The following RBBP7 variants were observed in gnomAD, a reference collection of about 807,000 sequenced individuals.
The protein encoded by RBBP7 is histone-binding protein RBBP7.
In RBBP7, 5 loss-of-function variants were observed where a neutral mutation model predicts 35.2. The observed-to-expected ratio is 0.14, with a 90% CI of 0.07 to 0.30. RBBP7 has a LOEUF of 0.30. RBBP7 is among the 10% of genes least tolerant of loss of function. The pLI is 1.00. For synonymous variants in RBBP7, 140 were observed against 118.7 expected, an observed-to-expected ratio of 1.18 and a Z score of -1.17; for missense variants, 155 against 327.5, an observed-to-expected ratio of 0.47 and a Z score of 4.07.
chrX:16,863,413 A>G (rs1930523204), intron 2 of RBBP7, among the ~76,000 whole-genome samples: 1 of 111,225 alleles, frequency 9.0e-6, no homozygotes, highest in African/African-American at 3.3e-5. Flanking sequence ...CAACTCAGTA[A>G]ACACAGACAA....
At chrX:16,869,916 C>G (rs1478290447) in intron 1 of RBBP7, 122 bp downstream of exon 1, 1 of 761,859 alleles carries the variant, frequency 1.3e-6, no homozygotes, top group African/African-American at 2.3e-5. Context: ...CGCCCAGTCT[C>G]GCGCCCGGCC....
At position 16,870,268 on chromosome X, in the gene RBBP7, T is replaced by G; in HGVS notation, c.-215A>C. On this transcript the variant is annotated 5_prime_UTR_variant, in exon 1 of 12. Transcript: ENST00000380087. ...CGGGTACCGAGGTCTGAGGCGCTCT[T>G]CTCTCTCTCTCCAAACTTGGAACGA... The G allele has an allele frequency of 2.8e-6, 1 of 359,287 alleles. No homozygotes were observed. The highest frequency in any genetic ancestry group is 3.8e-6 in the Non-Finnish European group (1 of 262,175). 29.6% of individuals were successfully genotyped at this position (359,287 alleles called of 1,213,427 possible).
intron 10 of RBBP7, chrX:16,846,862 C>G (rs1362853366): frequency 8.9e-6 from 1 of 112,207 alleles, no homozygotes; most frequent in Non-Finnish European, 1.9e-5. Context: ...CTGGGTAAAA[C>G]TCACGCCTGT....
Position 16,869,503 on chromosome X carries a change from G to C in RBBP7, c.17-283C>G, listed in dbSNP as rs1283951958. 7 of 1,167,214 alleles carry C rather than the reference G, an allele frequency of 6.0e-6. No individual in the cohort carries two copies. In the Admixed American group the frequency reaches 7.7e-5, roughly 13 times the overall value. The stretch of plus-strand genomic sequence containing the variant: ...TTACAGCTGTTCGCACCTGTTCTAA[G>C]ATGACGACCTGTACGTACAGGGGCT... On this transcript the variant is annotated intron_variant, in intron 1 of 11. Transcript: ENST00000380087.
intron 1 of RBBP7, 128 bp downstream of exon 1, chrX:16,869,910 C>T: frequency 1.3e-6 from 1 of 768,815 alleles, no homozygotes; most frequent in Non-Finnish European, 1.5e-6. Flanking sequence ...GGCGCGCGCC[C>T]AGTCTCGCGC....
At chrX:16,855,995 C>CAAAAAAAAAA (rs754398259) in intron 5 of RBBP7, among the ~76,000 whole-genome samples, 3 of 15,993 alleles carry the variant, frequency 1.9e-4, no homozygotes, top group Non-Finnish European at 2.5e-4. Context: ...GACCTTGTCT[C>CAAAAAAAAAA]AAAAAAAAAA....
chrX:16,859,394 G>T (rs1265711632), intron 3 of RBBP7, among the ~76,000 whole-genome samples: 1 of 112,020 alleles, frequency 8.9e-6, no homozygotes, highest in Non-Finnish European at 1.9e-5. Flanking sequence ...AGCATACTTG[G>T]TTTAACTGCT....
chrX:16,869,378 A>G (rs1602430417), intron 1 of RBBP7, 158 bp from the exon 2 acceptor site: 1 of 1,051,827 alleles, frequency 9.5e-7, no homozygotes, highest in East Asian at 3.2e-5. Flanking sequence ...TGGAGAAAAT[A>G]CTAACAATCA....
At chrX:16,851,342 G>C (rs1930209694) in intron 9 of RBBP7, among the ~76,000 whole-genome samples, 1 of 111,453 alleles carries the variant, frequency 9.0e-6, no homozygotes, top group Non-Finnish European at 1.9e-5. Flanking sequence ...AATACAAGCA[G>C]GAAATAAGTT....
At chrX:16,860,595 A>G (rs1236191575) in intron 3 of RBBP7, among the ~76,000 whole-genome samples, 2 of 106,625 alleles carry the variant, frequency 1.9e-5, no homozygotes, top group Non-Finnish European at 3.9e-5. Flanking sequence ...AATCGCTTGA[A>G]CCCAGGAGGC....
chrX:16,866,437 A>C (rs762531267), intron 2 of RBBP7, among the ~76,000 whole-genome samples: 5 of 100,177 alleles, frequency 5.0e-5, no homozygotes, highest in Non-Finnish European at 1.0e-4. Flanking sequence ...GAGGCAGGAG[A>C]ATCGCTTGAA....
intron 5 of RBBP7, among the ~76,000 whole-genome samples, chrX:16,855,995 CAAAAAAA>C (rs754398259): frequency 8.8e-4 from 14 of 15,993 alleles, no homozygotes; most frequent in South Asian, 7.6e-3. Flanking sequence ...GACCTTGTCT[CAAAAAAA>C]AAAAAAAAAA....
intron 3 of RBBP7, among the ~76,000 whole-genome samples, chrX:16,861,149 G>A (rs1930468429): frequency 8.9e-6 from 1 of 112,083 alleles, no homozygotes; most frequent in South Asian, 3.7e-4. Context: ...ACTCCAGCCT[G>A]GGCGACTGAG....
intron 6 of RBBP7, 81 bp downstream of exon 6, chrX:16,853,601 A>G: frequency 1.1e-6 from 1 of 937,482 alleles, no homozygotes; most frequent in Non-Finnish European, 1.4e-6. Flanking sequence ...AAAAAAAAAA[A>G]TCAAACTACA....
chrX:16,869,858 G>A (rs1930733652), intron 1 of RBBP7, 180 bp downstream of exon 1: 2 of 851,482 alleles, frequency 2.3e-6, no homozygotes, highest in East Asian at 1.3e-4. Context: ...GAAGTGCTCG[G>A]AGCCCTCGGC....
chrX:16,848,005 A>G (rs1320592444), intron 10 of RBBP7: 1 of 112,437 alleles, frequency 8.9e-6, no homozygotes, highest in African/African-American at 3.2e-5. Flanking sequence ...TCCCTAAAAA[A>G]AATAGCTGGA....
At chrX:16,856,611 AC>A (rs1037877800) in intron 5 of RBBP7, among the ~76,000 whole-genome samples, 3 of 111,400 alleles carry the variant, frequency 2.7e-5, no homozygotes, top group Admixed American at 9.6e-5. Flanking sequence ...ACAAAAAAAA[AC>A]CCAGGAAATA....
At chrX:16,863,355 A>G (rs1930521510) in intron 2 of RBBP7, among the ~76,000 whole-genome samples, 2 of 111,803 alleles carry the variant, frequency 1.8e-5, no homozygotes, top group Admixed American at 1.9e-4. Flanking sequence ...CTCAATTATC[A>G]GCGTGAACAC....
Position 16,870,343 on chromosome X carries a change from G to C in RBBP7, c.-290C>G. ...CCCGCCCAGGCAGCTGAGCGCAGGC[G>C]CATCCGCCCTGGGAAAAGTGAGAGG... On this transcript the variant is annotated 5_prime_UTR_variant, in exon 1 of 12. Transcript: ENST00000380087. 5.9e-6 allele frequency: 1 copy of C among 170,171 alleles called. No individual in the cohort carries two copies. The highest frequency in any genetic ancestry group is 1.3e-4 in the East Asian group (1 of 7,752). 14.0% of individuals were successfully genotyped at this position (170,171 alleles called of 1,213,427 possible). A position where few individuals can be genotyped will look rare whatever the true frequency, so the allele number is the denominator to read the frequency against.
Sources: allele counts gnomAD v4.1 joint callset (sites outside exome capture counted in the v4.1 genomes callset), GRCh38; gene constraint gnomAD v4.1.1; transcripts MANE v1.5; gene names NCBI Gene and HGNC (gene_info 2026-07-23, HGNC 2026-07-21).